PCBP3: variants seen among roughly 807,000 people sequenced by gnomAD.
PCBP3 encodes the protein poly(rC)-binding protein 3.
Under a neutral mutation model 52.7 loss-of-function variants are expected in PCBP3, and 25 were observed. That is an observed-to-expected ratio of 0.47 (90% CI 0.35 to 0.66). The LOEUF is 0.66. Ranked by LOEUF, PCBP3 falls within the 30% of genes least tolerant of loss-of-function variation. The pLI, the probability that PCBP3 is intolerant of heterozygous loss-of-function variation, is 0.01. For synonymous variants in PCBP3, 162 were observed against 183.0 expected (o/e 0.89, Z 0.93); for missense variants, 391 against 490.3 (o/e 0.80, Z 1.91).
At chr21:45,841,711 A>C (rs1248555312) in intron 4 of PCBP3, among the ~76,000 whole-genome samples, 1 of 152,192 alleles carries the variant, frequency 6.6e-6, no homozygotes, top group Non-Finnish European at 1.5e-5. Flanking sequence ...CCCATTTTTA[A>C]ATAAGAGTCT....
At position 45,909,493 on chromosome 21, in the gene PCBP3, G is replaced by T. The variant is rs1420911109; in HGVS notation, c.471+7G>T. Reference sequence around the variant, plus strand: ...GATCAAGGAGATCAGGGAGGTAACAGGACCTTCCCAGCCTGGGCCGCTGCG... The same window carrying T: ...GATCAAGGAGATCAGGGAGGTAACATGACCTTCCCAGCCTGGGCCGCTGCG... On this transcript the variant is annotated splice_region_variant and intron_variant, in intron 10 of 17. Coordinates refer to ENST00000681687, the MANE Select transcript of PCBP3 (RefSeq NM_001384156.1). 1.2e-6 allele frequency: 2 copies of T among 1,611,732 alleles called. No individual in the cohort carries two copies. Among genetic ancestry groups the T allele is most frequent in the Non-Finnish European group, 1.7e-6 (2 of 1,179,254 alleles).
intron 5 of PCBP3, among the ~76,000 whole-genome samples, chr21:45,884,400 C>CAT (rs1569432145): frequency 6.6e-6 from 1 of 151,882 alleles, no homozygotes; most frequent in African/African-American, 2.4e-5. Context: ...GGTAGTATAT[C>CAT]ATATATATAC....
intron 2 of PCBP3, among the ~76,000 whole-genome samples, chr21:45,719,213 G>C (rs980405696): frequency 6.6e-6 from 1 of 152,112 alleles, no homozygotes; most frequent in East Asian, 1.9e-4. Flanking sequence ...CTCAGAATTA[G>C]AGCTGAGGCA....
At chr21:45,705,435 C>T (rs2083388933) in intron 2 of PCBP3, among the ~76,000 whole-genome samples, 1 of 152,220 alleles carries the variant, frequency 6.6e-6, no homozygotes, top group Non-Finnish European at 1.5e-5. Flanking sequence ...CTGAAGATGT[C>T]CCCTGTGCAC....
At chr21:45,938,289 G>A (rs554403191) in intron 16 of PCBP3, among the ~76,000 whole-genome samples, 5 of 152,352 alleles carry the variant, frequency 3.3e-5, no homozygotes, top group Non-Finnish European at 5.9e-5. Context: ...GAGGAAAGCG[G>A]CTGCGTGCTG....
chr21:45,909,314 C>G, intron 9 of PCBP3, 41 bp from the exon 10 acceptor site: 1 of 1,592,878 alleles, frequency 6.3e-7, no homozygotes, highest in Non-Finnish European at 8.6e-7. Context: ...TCTCACTGCA[C>G]GACGCCTGAA....
chr21:45,815,767 A>G (rs1603442233), intron 4 of PCBP3, among the ~76,000 whole-genome samples: 1 of 61,658 alleles, frequency 1.6e-5, no homozygotes, highest in Non-Finnish European at 3.1e-5. Context: ...GTGATGAGTG[A>G]GTGGTGAGTG....
At chr21:45,753,929 C>T (rs781351997) in intron 3 of PCBP3, among the ~76,000 whole-genome samples, 10 of 152,150 alleles carry the variant, frequency 6.6e-5, no homozygotes, top group South Asian at 2.1e-4. Flanking sequence ...CATATCTCAC[C>T]ACATTCATTA....
chr21:45,755,485 C>G (rs1358564717), intron 4 of PCBP3, among the ~76,000 whole-genome samples, 33 bp downstream of exon 4: 1 of 152,220 alleles, frequency 6.6e-6, no homozygotes, highest in Non-Finnish European at 1.5e-5. Flanking sequence ...AAGAAACTCC[C>G]AAGGAACGCA....
intron 4 of PCBP3, among the ~76,000 whole-genome samples, chr21:45,825,804 G>T (rs1369339297): frequency 6.6e-6 from 1 of 152,132 alleles, no homozygotes; most frequent in Admixed American, 6.5e-5. Context: ...TGGGGTTGGT[G>T]GTGGGACGTG....
chr21:45,893,435 A>G lies in PCBP3; in HGVS notation c.11-2773A>G, dbSNP rs541309379. Among the ~76,000 whole-genome samples, 37 of 152,042 alleles carry G rather than the reference A, an allele frequency of 2.4e-4. No individual in the cohort carries two copies. The South Asian group carries it at 6.5e-3, about 27-fold the overall frequency. On this transcript the variant is annotated intron_variant, in intron 5 of 17. Transcript: ENST00000681687. ...GTGGGTCAGGAGTCGTGCTGGTCAC[A>G]TATGTCAGATGTGGGTGTCTGAAAT...
intron 16 of PCBP3, among the ~76,000 whole-genome samples, chr21:45,938,298 T>G (rs1033956485): frequency 2.6e-5 from 4 of 152,222 alleles, no homozygotes; most frequent in Non-Finnish European, 5.9e-5. Flanking sequence ...GGCTGCGTGC[T>G]GGCCAAGGAG....
intron 2 of PCBP3, among the ~76,000 whole-genome samples, chr21:45,711,684 C>T (rs1433735082): frequency 6.6e-6 from 1 of 152,228 alleles, no homozygotes; most frequent in Non-Finnish European, 1.5e-5. Flanking sequence ...ACCTTATTCT[C>T]CAACCCCTTT....
chr21:45,688,708 AC>A (rs1252727820), intron 2 of PCBP3, among the ~76,000 whole-genome samples: 1 of 152,068 alleles, frequency 6.6e-6, no homozygotes, highest in Non-Finnish European at 1.5e-5. Flanking sequence ...AAATTAATAA[AC>A]CTTTGGCTCA....
intron 13 of PCBP3, among the ~76,000 whole-genome samples, chr21:45,925,415 A>G (rs1372140599): frequency 6.6e-6 from 1 of 152,272 alleles, no homozygotes; most frequent in African/African-American, 2.4e-5. Context: ...AACTCTGGAA[A>G]AGCAGGACAA....
chr21:45,725,462 C>T (rs1208751588), intron 2 of PCBP3, among the ~76,000 whole-genome samples: 1 of 152,220 alleles, frequency 6.6e-6, no homozygotes, highest in African/African-American at 2.4e-5. Context: ...GCAAGCTTAT[C>T]CTTAACAACC....
chr21:45,856,575 AAAGT>A (rs1182921341), intron 5 of PCBP3, among the ~76,000 whole-genome samples: 1 of 152,134 alleles, frequency 6.6e-6, no homozygotes, highest in East Asian at 1.9e-4. Flanking sequence ...TAGTTGTGTA[AAAGT>A]GTGTGGCACG....
chr21:45,876,472 C>T (rs1264230725), intron 5 of PCBP3, among the ~76,000 whole-genome samples: 1 of 152,254 alleles, frequency 6.6e-6, no homozygotes, highest in Non-Finnish European at 1.5e-5. Context: ...CCCACTGGCA[C>T]CTTTGTCTGC....
At chr21:45,666,204 G>C (rs916298964) in intron 1 of PCBP3, among the ~76,000 whole-genome samples, 2 of 152,124 alleles carry the variant, frequency 1.3e-5, no homozygotes, top group Non-Finnish European at 2.9e-5. Context: ...CTAAGAATTG[G>C]AACAAAACAA....
Sources: gnomAD v4.1 joint callset for allele counts (sites outside exome capture counted in the v4.1 genomes callset) on GRCh38, gnomAD v4.1.1 for gene constraint, MANE v1.5 for transcripts, NCBI Gene and HGNC (gene_info 2026-07-23, HGNC 2026-07-21) for gene names.